The following TBC1D22B variants were observed in gnomAD, a reference collection of about 807,000 sequenced individuals.
TBC1D22B encodes TBC1 domain family member 22B, also known as chromosome 6 open reading frame 197.
TBC1D22B carries 32 observed loss-of-function variants against 69.1 expected under a neutral mutation model. The ratio of observed to expected loss-of-function variants is 0.46; its 90% CI spans 0.35 to 0.62. TBC1D22B has a LOEUF of 0.62. TBC1D22B is among the 20% of genes least tolerant of loss of function. The pLI is 0.00. For synonymous variants in TBC1D22B, 206 were observed against 229.8 expected (o/e 0.90, Z 0.94); for missense variants, 462 against 630.9 (o/e 0.73, Z 2.87).
At chr6:37,309,219 G>A (rs1767829597) in intron 8 of TBC1D22B, among the ~76,000 whole-genome samples, 1 of 152,192 alleles carries the variant, frequency 6.6e-6, no homozygotes, top group African/African-American at 2.4e-5. Flanking sequence ...GAATGACAGA[G>A]CCAGGACTTG....
rs780749801 is a variant in TBC1D22B, at chr6:37,317,147, G to A, written c.1330G>A (p.Val444Met). 7.6e-6 allele frequency: 12 copies of A among 1,578,822 alleles called. No homozygotes were observed. The highest frequency in any genetic ancestry group is 2.3e-5 in the South Asian group (2 of 86,336). ...PEGFSHFHLY[V>M]CAAFLIKWRK... The stretch of plus-strand genomic sequence containing the variant: ...AGGGTTCTCCCACTTTCATCTCTAC[G>A]TGTGTGCAGCCTTCTTGATCAAGTG... Residue 444 changes from valine (V) to methionine (M), a missense_variant, in exon 12 of 13, where the codon GTG becomes ATG. Val to Met is a conservative substitution (Grantham distance 21). This residue lies in a region of TBC1D22B where 225 missense variants were observed against 375.4 expected (regional missense o/e 0.60). Coordinates refer to ENST00000373491, the MANE Select transcript of TBC1D22B (RefSeq NM_017772.4).
In TBC1D22B at chr6:37,265,912, C is replaced by G. The variant is rs564370175; in HGVS notation, c.57-3682C>G. Among the ~76,000 whole-genome samples, 216 of 152,178 alleles carry G rather than the reference C, an allele frequency of 1.4e-3. 3 individuals carry two copies. The highest frequency in any genetic ancestry group is 1.5e-4 in the Non-Finnish European group (10 of 68,000). On this transcript the variant is annotated intron_variant, in intron 1 of 12. Coordinates refer to ENST00000373491, the MANE Select transcript of TBC1D22B (RefSeq NM_017772.4). ...TTAGGATCACCTCTGTTATGTGAAA[C>G]AAGTATTTGGTAAGCTTGTTTCAAT...
intron 2 of TBC1D22B, among the ~76,000 whole-genome samples, chr6:37,277,039 C>G (rs1417005414): frequency 6.6e-6 from 1 of 152,134 alleles, no homozygotes; most frequent in Non-Finnish European, 1.5e-5. Context: ...CTGTTAGAAC[C>G]TGACAGGCAG....
intron 6 of TBC1D22B, 65 bp downstream of exon 6, chr6:37,284,529 T>G: frequency 6.7e-7 from 1 of 1,488,420 alleles, no homozygotes. Flanking sequence ...CTCATGGTAG[T>G]GCTCTCAGGG....
intron 8 of TBC1D22B, among the ~76,000 whole-genome samples, chr6:37,306,254 C>T (rs550848975): frequency 7.9e-5 from 12 of 152,298 alleles, no homozygotes; most frequent in African/African-American, 2.9e-4. Flanking sequence ...AGGATGTGCA[C>T]ATTTGCTCTC....
In TBC1D22B at chr6:37,307,024, G is replaced by A. The variant is rs1767741618; in HGVS notation, c.983-5894G>A. Among the ~76,000 whole-genome samples, 3 of 152,194 alleles carry A rather than the reference G, an allele frequency of 2.0e-5. No homozygotes were observed. The South Asian group carries it at 6.2e-4, about 32-fold the overall frequency. ...TCCCCCTGTCTTTGTCAGGTGGTTT[G>A]GCTTTCCCAGGTTTAGCGAGGGGCC... is the stretch of plus-strand genomic sequence containing the variant. On this transcript the variant is annotated intron_variant, in intron 8 of 12. Transcript: ENST00000373491.
intron 2 of TBC1D22B, among the ~76,000 whole-genome samples, chr6:37,273,046 A>G (rs889034560): frequency 6.6e-6 from 1 of 151,960 alleles, no homozygotes; most frequent in Non-Finnish European, 1.5e-5. Flanking sequence ...TCTTGGAAAG[A>G]TTTTCTTTTT....
chr6:37,331,123 A>G lies in TBC1D22B; in HGVS notation c.1469A>G (p.Tyr490Cys). The change falls in exon 13 of 13, where the codon TAC becomes TGC. Residue 490 changes from tyrosine (Y) to cysteine (C), a missense_variant. Coordinates refer to ENST00000373491, the MANE Select transcript of TBC1D22B (RefSeq NM_017772.4). ...ATTGGGCTGCTTCTCGCCGAGGCAT[A>G]CAGACTCAAGTACATGTTTGCCGAT... ...EEIGLLLAEA[Y>C]RLKYMFADAP... 1.2e-6 allele frequency: 2 copies of G among 1,614,182 alleles called. No homozygotes were observed. The highest frequency in any genetic ancestry group is 1.7e-6 in the Non-Finnish European group (2 of 1,180,006).
intron 12 of TBC1D22B, 72 bp from the exon 13 acceptor site, chr6:37,330,972 C>G (rs1405676177): frequency 6.4e-7 from 1 of 1,568,372 alleles, no homozygotes; most frequent in Non-Finnish European, 8.7e-7. Flanking sequence ...AGGCCTTGGT[C>G]TCTAAGAATG....
intron 3 of TBC1D22B, among the ~76,000 whole-genome samples, chr6:37,280,499 A>C (rs1766790330): frequency 6.6e-6 from 1 of 152,230 alleles, no homozygotes; most frequent in African/African-American, 2.4e-5. Flanking sequence ...GGGCTCTAGC[A>C]TGAACCTTCA....
intron 8 of TBC1D22B, among the ~76,000 whole-genome samples, chr6:37,306,729 G>T (rs925534808): frequency 2.6e-5 from 4 of 152,216 alleles, no homozygotes; most frequent in Non-Finnish European, 4.4e-5. Context: ...CATGATACAT[G>T]TATACCCATG....
intron 8 of TBC1D22B, among the ~76,000 whole-genome samples, chr6:37,304,842 G>GA (rs754906029): frequency 8.5e-5 from 13 of 152,130 alleles, no homozygotes; most frequent in Admixed American, 3.9e-4. Flanking sequence ...ACAATCAACT[G>GA]AAAAAACAGA....
intron 8 of TBC1D22B, among the ~76,000 whole-genome samples, chr6:37,298,258 TAC>T (rs1414321296): frequency 6.6e-6 from 1 of 152,180 alleles, no homozygotes; most frequent in African/African-American, 2.4e-5. Context: ...CCAAGATAAC[TAC>T]AGTTGTTAAC....
chr6:37,278,629 T>C (rs532144439), intron 2 of TBC1D22B, among the ~76,000 whole-genome samples: 1 of 152,194 alleles, frequency 6.6e-6, no homozygotes, highest in East Asian at 1.9e-4. Context: ...CAGTGCATCA[T>C]GATAGAAGAA....
At chr6:37,318,433 G>A (rs189401965) in intron 12 of TBC1D22B, among the ~76,000 whole-genome samples, 33 of 152,304 alleles carry the variant, frequency 2.2e-4, no homozygotes, top group African/African-American at 6.7e-4. Flanking sequence ...ACCATTAGAC[G>A]TCTAAATAGA....
intron 12 of TBC1D22B, among the ~76,000 whole-genome samples, chr6:37,321,273 C>G (rs967830073): frequency 7.2e-5 from 11 of 151,924 alleles, no homozygotes; most frequent in African/African-American, 2.4e-4. Context: ...CTCTCTGAAC[C>G]ACTGTGCTTT....
chr6:37,272,347 G>A (rs1228014135), intron 2 of TBC1D22B, among the ~76,000 whole-genome samples: 2 of 151,268 alleles, frequency 1.3e-5, no homozygotes, highest in Admixed American at 6.6e-5. Flanking sequence ...TTGCAGGCAA[G>A]AGCCACTATG....
intron 7 of TBC1D22B, among the ~76,000 whole-genome samples, chr6:37,287,777 G>C (rs1018666404): frequency 1.3e-5 from 2 of 152,158 alleles, no homozygotes; most frequent in Non-Finnish European, 2.9e-5. Context: ...TCATCTATCA[G>C]TGGACACATG....
intron 12 of TBC1D22B, among the ~76,000 whole-genome samples, chr6:37,330,528 G>A (rs866671439): frequency 5.9e-5 from 9 of 152,038 alleles, no homozygotes; most frequent in South Asian, 2.1e-4. Flanking sequence ...GAGCCACCGC[G>A]CCTGGCCTAT....
Sources: allele counts gnomAD v4.1 joint callset (sites outside exome capture counted in the v4.1 genomes callset), GRCh38; gene constraint gnomAD v4.1.1; regional missense constraint gnomAD v4.1.1; transcripts MANE v1.5; gene names NCBI Gene and HGNC (gene_info 2026-07-23, HGNC 2026-07-21).